COBLL1: variants seen among roughly 807,000 people sequenced by gnomAD.
COBLL1 encodes the protein cordon-bleu WH2 repeat protein like 1.
COBLL1 carries 50 observed loss-of-function variants against 94.8 expected under a neutral mutation model. That is an observed-to-expected ratio of 0.53 (90% CI 0.42 to 0.67). COBLL1 has a LOEUF of 0.67. COBLL1 is among the 30% of genes least tolerant of loss of function. COBLL1 has a pLI of 0.00. For synonymous variants in COBLL1, 448 were observed against 473.8 expected, an observed-to-expected ratio of 0.95 and a Z score of 0.71; for missense variants, 1,362 against 1,348.7, an observed-to-expected ratio of 1.01 and a Z score of -0.15.
intron 9 of COBLL1, among the ~76,000 whole-genome samples, chr2:164,700,974 C>G (rs1684221658): frequency 6.6e-6 from 1 of 152,074 alleles, no homozygotes; most frequent in African/African-American, 2.4e-5. Flanking sequence ...TGCTATCACT[C>G]TAGGTTTTAT....
At chr2:164,693,071 C>T (rs192822745) in intron 12 of COBLL1, among the ~76,000 whole-genome samples, 26 of 152,150 alleles carry the variant, frequency 1.7e-4, no homozygotes, top group African/African-American at 5.8e-4. Context: ...CATATGTTAT[C>T]AAGTAATCTT....
At chr2:164,783,787 C>T (rs535809473) in intron 2 of COBLL1, among the ~76,000 whole-genome samples, 11 of 151,874 alleles carry the variant, frequency 7.2e-5, no homozygotes, top group Admixed American at 5.3e-4. Context: ...GGCAACATAG[C>T]GAGATCCAAT....
At chr2:164,744,905 G>A (rs535684473) in intron 2 of COBLL1, among the ~76,000 whole-genome samples, 13 of 151,968 alleles carry the variant, frequency 8.6e-5, no homozygotes, top group African/African-American at 2.9e-4. Context: ...ATGATTTGAT[G>A]GATTGAAAAA....
At chr2:164,713,844 A>G (rs973325943) in intron 7 of COBLL1, among the ~76,000 whole-genome samples, 1 of 152,172 alleles carries the variant, frequency 6.6e-6, no homozygotes, top group Non-Finnish European at 1.5e-5. Context: ...AGGATTAGAC[A>G]CCGTCATCTC....
chr2:164,687,114 GC>G (rs1683335670), intron 13 of COBLL1, among the ~76,000 whole-genome samples: 1 of 152,112 alleles, frequency 6.6e-6, no homozygotes. Flanking sequence ...AAGAAGAGTT[GC>G]CACCAGCAGA....
intron 4 of COBLL1, among the ~76,000 whole-genome samples, chr2:164,728,761 GTTACTA>G (rs1277170110): frequency 1.3e-5 from 2 of 151,854 alleles, no homozygotes; most frequent in African/African-American, 4.8e-5. Flanking sequence ...AACTTTTGTT[GTTACTA>G]TTACTACTTT....
At chr2:164,769,092 A>T (rs1241183748) in intron 2 of COBLL1, among the ~76,000 whole-genome samples, 3 of 152,208 alleles carry the variant, frequency 2.0e-5, no homozygotes, top group Non-Finnish European at 4.4e-5. Flanking sequence ...GCTCAATAAA[A>T]CATGGTTGAA....
chr2:164,823,643 AT>A (rs1185870742), intron 2 of COBLL1, among the ~76,000 whole-genome samples: 1 of 152,160 alleles, frequency 6.6e-6, no homozygotes, highest in Admixed American at 6.5e-5. Flanking sequence ...TTACCAACTC[AT>A]TCTCATAGAT....
chr2:164,698,775 AATG>A (rs1164021132), intron 11 of COBLL1, among the ~76,000 whole-genome samples: 3 of 152,004 alleles, frequency 2.0e-5, no homozygotes, highest in Admixed American at 1.3e-4. Flanking sequence ...AAAAACATGA[AATG>A]ATATGATTTG....
At chr2:164,686,134 T>C in intron 13 of COBLL1, 102 bp from the exon 14 acceptor site, 1 of 552,552 alleles carries the variant, frequency 1.8e-6, no homozygotes, top group Non-Finnish European at 3.3e-6. Context: ...TGCTTAATTG[T>C]AAATGATAAG....
intron 2 of COBLL1, among the ~76,000 whole-genome samples, chr2:164,662,549 T>G (rs1260200296): frequency 6.6e-6 from 1 of 152,182 alleles, no homozygotes; most frequent in Non-Finnish European, 1.5e-5. Context: ...GTGATATCGT[T>G]TCAATATATG....
intron 2 of COBLL1, among the ~76,000 whole-genome samples, chr2:164,819,284 A>T (rs916865010): frequency 6.6e-6 from 1 of 152,232 alleles, no homozygotes; most frequent in African/African-American, 2.4e-5. Context: ...TAAAGCATCA[A>T]TAACTTTTAC....
chr2:164,670,891 A>C (rs1369694874), intron 1 of COBLL1, among the ~76,000 whole-genome samples: 1 of 152,246 alleles, frequency 6.6e-6, no homozygotes, highest in African/African-American at 2.4e-5. Flanking sequence ...GGCAGATCAG[A>C]TTCATGGTCA....
In COBLL1 at chr2:164,821,493, TAGTGAG is replaced by T. The variant is rs1293543669; in HGVS notation, c.41+19657_41+19662del. On this transcript the variant is annotated intron_variant, in intron 2 of 13. Coordinates refer to ENST00000652658, the MANE Select transcript of COBLL1 (RefSeq NM_001365672.2). ...ATTATGTGATTACTGGAAGACAGCA[TAGTGAG>T]TGTTCCCAGTCTGTGTACAAGCGAT... Among the ~76,000 whole-genome samples the T allele has an allele frequency of 5.1e-4, 77 of 152,310 alleles. No individual in the cohort carries two copies. The East Asian group carries it at 0.012, about 24-fold the overall frequency.
downstream of COBLL1, among the ~76,000 whole-genome samples, chr2:164,677,515 T>C (rs1691359277): frequency 6.6e-6 from 1 of 152,302 alleles, no homozygotes; most frequent in Middle Eastern, 3.4e-3. Context: ...TCCCTAGCCC[T>C]AACAAGGCAC....
Position 164,730,108 on chromosome 2 carries a change from T to G in COBLL1, c.238A>C (p.Met80Leu). 2 of 1,612,814 alleles carry G rather than the reference T, an allele frequency of 1.2e-6. No individual in the cohort carries two copies. The highest frequency in any genetic ancestry group is 1.7e-6 in the Non-Finnish European group (2 of 1,178,928). ...KSTTVHGSKPMMDLLIFLCAQ... is the reference protein window; with the variant it reads ...KSTTVHGSKPLMDLLIFLCAQ... ...CAAAGGAATATCAACAAGTCCATCA[T>G]AGGTTTACTGTAAAACAAGAGTATT... The change falls in exon 4 of 14, where the codon ATG (methionine) becomes CTG (leucine). Residue 80 changes from methionine (M) to leucine (L), a missense_variant. By Grantham distance (15) the Met-to-Leu change is conservative. Coordinates refer to ENST00000652658, the MANE Select transcript of COBLL1 (RefSeq NM_001365672.2).
chr2:164,737,972 G>C (rs544687679), intron 3 of COBLL1, among the ~76,000 whole-genome samples: 14 of 152,280 alleles, frequency 9.2e-5, no homozygotes, highest in African/African-American at 3.1e-4. Context: ...CCAGAGAGGT[G>C]AGGTGACTTG....
At chr2:164,758,323 T>A (rs1432293920) in intron 2 of COBLL1, among the ~76,000 whole-genome samples, 2 of 151,956 alleles carry the variant, frequency 1.3e-5, no homozygotes, top group Non-Finnish European at 2.9e-5. Flanking sequence ...GCAGAAACTA[T>A]GCCAAATGTT....
chr2:164,682,072 T>G lies in COBLL1; in HGVS notation c.*3874A>C, dbSNP rs1389779278. ...ACCAGTTTCTTCATCATTTGCTACA[T>G]TTAGTCATGGGGAAGAACAAATTAG... On this transcript the variant is annotated 3_prime_UTR_variant, in exon 14 of 14. Coordinates refer to ENST00000652658, the MANE Select transcript of COBLL1 (RefSeq NM_001365672.2). 3 of 152,306 alleles carry G rather than the reference T, an allele frequency of 2.0e-5. No individual in the cohort carries two copies. The highest frequency in any genetic ancestry group is 2.0e-4 in the Admixed American group (3 of 15,292). 9.4% of individuals were successfully genotyped at this position (152,306 alleles called of 1,614,324 possible).
Sources: allele counts gnomAD v4.1 joint callset (sites outside exome capture counted in the v4.1 genomes callset), GRCh38; gene constraint gnomAD v4.1.1; transcripts MANE v1.5; gene names NCBI Gene and HGNC (gene_info 2026-07-23, HGNC 2026-07-21).